Variants in SBK1 observed in about 807,000 individuals in gnomAD.
The protein encoded by SBK1 is serine/threonine-protein kinase SBK1.
In SBK1, 11 loss-of-function variants were observed where a neutral mutation model predicts 24.4. The ratio of observed to expected loss-of-function variants is 0.45; its 90% CI spans 0.28 to 0.75. SBK1 has a LOEUF of 0.75. Ranked by LOEUF, SBK1 falls within the 30% of genes least tolerant of loss-of-function variation. SBK1 has a pLI of 0.12. For synonymous variants in SBK1, 308 were observed against 284.4 expected (o/e 1.08, Z -0.83); for missense variants, 467 against 620.5 (o/e 0.75, Z 2.63).
In SBK1 at chr16:28,273,298, G is replaced by A. The variant is rs143852976; in HGVS notation, c.257+13796G>A. Among the ~76,000 whole-genome samples the A allele has an allele frequency of 2.6e-5, 4 of 151,760 alleles. No homozygotes were observed. The East Asian group carries it at 7.8e-4, about 30-fold the overall frequency. On this transcript the variant is annotated intron_variant, in intron 1 of 3. Coordinates refer to the SBK1 transcript ENST00000671413. ...TGCAATGGCGCAGTCTCGGCTCACT[G>A]CAACTTCCGCCTCCTGGGTTCAAGC...
intron 1 of SBK1, among the ~76,000 whole-genome samples, chr16:28,301,548 C>G (rs189272047): frequency 2.0e-5 from 3 of 152,340 alleles, no homozygotes; most frequent in African/African-American, 7.2e-5. Flanking sequence ...AAAGTCTGGA[C>G]TCTTCCTCCC....
chr16:28,320,342 G>A lies in SBK1; in HGVS notation c.696G>A (p.Thr232=). ...GCGCCGACGGGCTGGCGGTGGACAC[G>A]GGCGTGGACGTGTGGGCCTTCGGCG... is the stretch of plus-strand genomic sequence containing the variant. ...AGRADGLAVD[T]GVDVWAFGVL... is the part of the protein sequence containing the mutation. The change falls in exon 4 of 4, where the codon ACG becomes ACA. Residue 232 remains threonine, a synonymous_variant. Transcript: ENST00000341901. This position sits in a 1 kb window ranked among gnomAD's most constrained non-coding sequence, Gnocchi z 8.5. 1.9e-6 allele frequency: 3 copies of A among 1,592,948 alleles called. No individual in the cohort carries two copies. Among genetic ancestry groups the A allele is most frequent in the Non-Finnish European group, 2.6e-6 (3 of 1,176,012 alleles).
rs2044807474 is a variant in SBK1 at position 28,317,623 on chromosome 16, C to T, written c.226+6C>T. The T allele has an allele frequency of 7.0e-7, 1 of 1,430,342 alleles. No individual in the cohort carries two copies. Among genetic ancestry groups the T allele is most frequent in the South Asian group, 1.1e-5 (1 of 87,900 alleles). The allele number at this position is 1,430,342 out of a possible 1,614,324, so 88.6% of individuals were successfully genotyped here. A position where few individuals can be genotyped will look rare whatever the true frequency, so the allele number is the denominator to read the frequency against. On this transcript the variant is annotated splice_donor_region_variant and intron_variant, in intron 2 of 3. Coordinates refer to ENST00000341901, the MANE Select transcript of SBK1 (RefSeq NM_001024401.3). This position sits in a 1 kb window ranked among gnomAD's most constrained non-coding sequence, Gnocchi z 4.2. ...GGTGGTCTACAAGGGCACAGGTGAACAAGTGCAGGGTGGCAGGGCTGAGAG... is the reference window on the plus strand; with the variant it reads ...GGTGGTCTACAAGGGCACAGGTGAATAAGTGCAGGGTGGCAGGGCTGAGAG...
In SBK1 at chr16:28,320,428, C is replaced by T; in HGVS notation, c.782C>T (p.Ala261Val). ...FPWEAASGAD[A>V]FFEEFVRWQR... Reference sequence around the variant, plus strand: ...TGGGAGGCGGCGTCGGGCGCCGACGCCTTCTTCGAGGAGTTCGTGCGCTGG... The same window carrying T: ...TGGGAGGCGGCGTCGGGCGCCGACGTCTTCTTCGAGGAGTTCGTGCGCTGG... The change falls in exon 4 of 4, where the codon GCC (alanine) becomes GTC (valine). Residue 261 changes from alanine (A) to valine (V), a missense_variant. Ala to Val is a moderately conservative substitution (Grantham distance 64, BLOSUM62 0). Transcript: ENST00000341901. This position sits in a 1 kb window ranked among gnomAD's most constrained non-coding sequence, Gnocchi z 8.5. 1.9e-6 allele frequency: 3 copies of T among 1,587,756 alleles called. No individual in the cohort carries two copies. Among genetic ancestry groups the T allele is most frequent in the Non-Finnish European group, 1.7e-6 (2 of 1,173,632 alleles).
At chr16:28,269,711 T>C (rs1042596598) in intron 1 of SBK1, among the ~76,000 whole-genome samples, 1 of 81,800 alleles carries the variant, frequency 1.2e-5, no homozygotes, top group Non-Finnish European at 2.6e-5. Flanking sequence ...CTACTAAAAA[T>C]ACAAAAAAAA....
Position 28,321,066 on chromosome 16 carries a change from C to T in SBK1, c.*145C>T, listed in dbSNP as rs890114585. On this transcript the variant is annotated 3_prime_UTR_variant, in exon 4 of 4. Coordinates refer to ENST00000341901, the MANE Select transcript of SBK1 (RefSeq NM_001024401.3). ...GCAGGACGCGGCCCGGCACCTGGTC[C>T]GTCCCCGGCGGGCTGGTGAGGGGGC... 1 of 755,500 alleles carries T rather than the reference C, an allele frequency of 1.3e-6. No individual in the cohort carries two copies. Among genetic ancestry groups the T allele is most frequent in the Non-Finnish European group, 1.8e-6 (1 of 543,056 alleles). 46.8% of individuals were successfully genotyped at this position (755,500 alleles called of 1,614,324 possible). A position where few individuals can be genotyped will look rare whatever the true frequency, so the allele number is the denominator to read the frequency against.
At chr16:28,305,673 AG>A (rs2044711817) in intron 1 of SBK1, among the ~76,000 whole-genome samples, 1 of 151,850 alleles carries the variant, frequency 6.6e-6, no homozygotes, top group South Asian at 2.1e-4. Flanking sequence ...CTGGGATTAC[AG>A]GCGCCTGCCA....
At chr16:28,277,354 A>AG (rs2044500346) in intron 1 of SBK1, among the ~76,000 whole-genome samples, 4 of 147,548 alleles carry the variant, frequency 2.7e-5, no homozygotes, top group African/African-American at 1.1e-4. Flanking sequence ...GAGAGAGAGA[A>AG]AAAAAAAAGA....
Position 28,320,986 on chromosome 16 carries a change from G to A in SBK1, c.*65G>A. On this transcript the variant is annotated 3_prime_UTR_variant, in exon 4 of 4. Coordinates refer to ENST00000341901, the MANE Select transcript of SBK1 (RefSeq NM_001024401.3). This position sits in a 1 kb window ranked among gnomAD's most constrained non-coding sequence, Gnocchi z 8.5. ...CCGCCCCGAGCCGGTGCCCGGTGCG[G>A]CGGTAGGGAATGGAGCCACCTCGCC... 1 of 1,307,912 alleles carries A rather than the reference G, an allele frequency of 7.6e-7. No individual in the cohort carries two copies. The highest frequency in any genetic ancestry group is 9.7e-7 in the Non-Finnish European group (1 of 1,026,488). 81.0% of individuals were successfully genotyped at this position (1,307,912 alleles called of 1,614,324 possible). A position where few individuals can be genotyped will look rare whatever the true frequency, so the allele number is the denominator to read the frequency against.
upstream of SBK1, among the ~76,000 whole-genome samples, chr16:28,289,875 C>G (rs1479260988): frequency 6.6e-6 from 1 of 151,932 alleles, no homozygotes; most frequent in Non-Finnish European, 1.5e-5. Flanking sequence ...GGCTTAAGCT[C>G]AGGAGTTCAA....
rs191687855 is a variant in SBK1 at position 28,267,098 on chromosome 16, C to T, written c.257+7596C>T. On this transcript the variant is annotated intron_variant, in intron 1 of 3. Transcript: ENST00000671413. ...TTTTTTTTATTTTTAGTAGAGACAC[C>T]GTTTCACCATGTTGGCCAAGCTGGT... is the stretch of plus-strand genomic sequence containing the variant. 2.1e-4 allele frequency among the ~76,000 whole-genome samples: 32 copies of T among 151,930 alleles called. No homozygotes were observed. The East Asian group carries it at 5.4e-3, about 26-fold the overall frequency.
At chr16:28,308,525 C>A (rs1017271493) in intron 1 of SBK1, among the ~76,000 whole-genome samples, 1 of 126,264 alleles carries the variant, frequency 7.9e-6, no homozygotes, top group African/African-American at 3.0e-5. Context: ...CAGGCTTAAG[C>A]GATCCTTTCA....
chr16:28,313,595 C>A (rs2044769512), intron 1 of SBK1, among the ~76,000 whole-genome samples: 1 of 84,620 alleles, frequency 1.2e-5, no homozygotes, highest in African/African-American at 3.3e-5. Flanking sequence ...GATACCCTGT[C>A]TTAAAAAAAA....
At chr16:28,307,258 T>C (rs1219493745) in intron 1 of SBK1, among the ~76,000 whole-genome samples, 2 of 152,206 alleles carry the variant, frequency 1.3e-5, no homozygotes, top group Non-Finnish European at 2.9e-5. Flanking sequence ...CACAATGTCC[T>C]ATGACACAGA....
intron 2 of SBK1, among the ~76,000 whole-genome samples, chr16:28,318,499 G>A (rs2044814138): frequency 6.6e-6 from 1 of 152,248 alleles, no homozygotes; most frequent in Non-Finnish European, 1.5e-5. Flanking sequence ...GTGCAGTGCT[G>A]AAGGCAGGGC....
At chr16:28,277,774 T>A (rs981023902) in intron 1 of SBK1, among the ~76,000 whole-genome samples, 1 of 152,228 alleles carries the variant, frequency 6.6e-6, no homozygotes, top group Admixed American at 6.5e-5. Context: ...GGAAATGTCG[T>A]GGTCTTGCCC....
At chr16:28,267,516 G>C (rs927048400) in intron 1 of SBK1, among the ~76,000 whole-genome samples, 1 of 152,190 alleles carries the variant, frequency 6.6e-6, no homozygotes, top group Admixed American at 6.5e-5. Context: ...ACATGTTCAT[G>C]GCTAATGGAG....
At chr16:28,312,414 C>T (rs570188353) in intron 1 of SBK1, among the ~76,000 whole-genome samples, 48 of 152,316 alleles carry the variant, frequency 3.2e-4, no homozygotes, top group African/African-American at 1.1e-3. Context: ...GAAAGACGAT[C>T]ACGCGGAGAT....
In SBK1 at chr16:28,317,101, C is replaced by T. The variant is rs377454070; in HGVS notation, c.-7-284C>T. Among the ~76,000 whole-genome samples, 4 of 152,352 alleles carry T rather than the reference C, an allele frequency of 2.6e-5. No individual in the cohort carries two copies. The highest frequency in any genetic ancestry group is 7.2e-5 in the African/African-American group (3 of 41,594). The stretch of plus-strand genomic sequence containing the variant: ...TGTGTCTGTGTGACATAAACAGGGG[C>T]CTTGCCTGACACTGTGTGTGGGTGG... On this transcript the variant is annotated intron_variant, in intron 1 of 3. Transcript: ENST00000341901. This position sits in a 1 kb window ranked among gnomAD's most constrained non-coding sequence, Gnocchi z 4.2.
Sources: gnomAD v4.1 joint callset for allele counts (sites outside exome capture counted in the v4.1 genomes callset) on GRCh38, gnomAD v4.1.1 for gene constraint, Gnocchi (gnomAD v3.1) non-coding constraint, MANE v1.5 for transcripts, NCBI Gene and HGNC (gene_info 2026-07-23, HGNC 2026-07-21) for gene names.